TBC1D2: variants seen among roughly 807,000 people sequenced by gnomAD.
The protein encoded by TBC1D2 is TBC1 domain family member 2, also known as TBC1 domain family member 2A.
Under a neutral mutation model 91.1 loss-of-function variants are expected in TBC1D2, and 58 were observed. The observed-to-expected ratio is 0.64, with a 90% CI of 0.52 to 0.79. The LOEUF is 0.79. TBC1D2 is among the 30% of genes least tolerant of loss of function. TBC1D2 has a pLI of 0.00. For synonymous variants in TBC1D2, 482 were observed against 511.5 expected, an observed-to-expected ratio of 0.94 and a Z score of 0.78; for missense variants, 1,080 against 1,208.3, an observed-to-expected ratio of 0.89 and a Z score of 1.57.
chr9:98,248,217 C>T (rs960911376), intron 2 of TBC1D2, among the ~76,000 whole-genome samples: 1 of 152,226 alleles, frequency 6.6e-6, no homozygotes, highest in Non-Finnish European at 1.5e-5. Flanking sequence ...GAGGGGCTGC[C>T]CATGAAGGCA....
rs115736722 is a variant in TBC1D2 at position 98,255,395 on chromosome 9, A to G, written c.147T>C (p.Cys49=). ...RSLEAVPKKL[C]GYLSKFGGKG... ...TGCCGCCGAACTTACTTAAATACCC[A>G]CAGAGTTTCTTGGGGACCGCCTCCA... The change falls in exon 1 of 13, where the codon TGT becomes TGC. Residue 49 remains cysteine, a synonymous_variant. Transcript: ENST00000465784. 2,462 of 1,613,984 alleles carry G rather than the reference A, an allele frequency of 1.5e-3. 36 individuals are homozygous for G. In the African/African-American group the frequency reaches 0.029, roughly 19 times the overall value.
intron 5 of TBC1D2, among the ~76,000 whole-genome samples, chr9:98,222,988 C>T (rs1829136066): frequency 6.6e-6 from 1 of 152,224 alleles, no homozygotes; most frequent in Non-Finnish European, 1.5e-5. Flanking sequence ...CAACCTTTAC[C>T]AAGCACCACT....
chr9:98,233,285 A>G, intron 4 of TBC1D2, 131 bp downstream of exon 4: 3 of 1,265,148 alleles, frequency 2.4e-6, no homozygotes, highest in Non-Finnish European at 3.2e-6. Flanking sequence ...ATGGTGTTTC[A>G]GTAAGTAGCC....
At chr9:98,242,918 A>G (rs1233852023) in intron 3 of TBC1D2, among the ~76,000 whole-genome samples, 2 of 141,970 alleles carry the variant, frequency 1.4e-5, no homozygotes, top group Non-Finnish European at 3.0e-5. Flanking sequence ...GCTTGGGATT[A>G]CAGGCACATG....
At chr9:98,232,928 C>G (rs1478730583) in intron 4 of TBC1D2, among the ~76,000 whole-genome samples, 2 of 152,232 alleles carry the variant, frequency 1.3e-5, no homozygotes, top group Non-Finnish European at 2.9e-5. Flanking sequence ...AGTGGTTCTC[C>G]TGCCTCAGCC....
At position 98,221,157 on chromosome 9, in the gene TBC1D2, C is replaced by G. The variant is rs952370393; in HGVS notation, c.1050G>C (p.Leu350=). Residue 350 remains leucine (L), a synonymous_variant, in exon 6 of 13, where the codon CTG becomes CTC. Coordinates refer to ENST00000465784, the MANE Select transcript of TBC1D2 (RefSeq NM_001267571.2). ...QQEKRASSAY[L]AAAEDKDRLE... ...GCCGGTCCTTGTCCTCAGCCGCCGCCAGGTATGCGCTGGACGCCCGCTTCT... is the reference window on the plus strand; with the variant it reads ...GCCGGTCCTTGTCCTCAGCCGCCGCGAGGTATGCGCTGGACGCCCGCTTCT... 1 of 1,573,142 alleles carries G rather than the reference C, an allele frequency of 6.4e-7. No homozygotes were observed. The highest frequency in any genetic ancestry group is 1.9e-5 in the Admixed American group (1 of 53,482).
intron 8 of TBC1D2, among the ~76,000 whole-genome samples, chr9:98,210,299 T>C (rs569208510): frequency 1.3e-5 from 2 of 152,316 alleles, no homozygotes; most frequent in African/African-American, 2.4e-5. Flanking sequence ...TAACTGCCCA[T>C]GTCCACTGTG....
rs192667653 is a variant in TBC1D2 at position 98,219,583 on chromosome 9, C to T, written c.1374+1250G>A. 5.3e-5 allele frequency among the ~76,000 whole-genome samples: 8 copies of T among 152,330 alleles called. No homozygotes were observed. In the East Asian group the frequency reaches 1.5e-3, roughly 29 times the overall value. On this transcript the variant is annotated intron_variant, in intron 6 of 12. Coordinates refer to ENST00000465784, the MANE Select transcript of TBC1D2 (RefSeq NM_001267571.2). ...GTGATTTAGCCTACTACGCACCCAG[C>T]TAGATGGTGTAGCCTATTGCTCCGA...
chr9:98,220,905 G>C lies in TBC1D2; in HGVS notation c.1302C>G (p.Asp434Glu), dbSNP rs745488286. ...KVTQDFTHPP[D>E]QSPLRPDAAN... ...CAGCGTCGGGGCGCAAAGGAGACTG[G>C]TCAGGGGGGTGCGTGAAGTCCTGGG... The change falls in exon 6 of 13, where the codon GAC becomes GAG. Residue 434 changes from aspartate to glutamate, a missense_variant. Coordinates refer to ENST00000465784, the MANE Select transcript of TBC1D2 (RefSeq NM_001267571.2). 6.2e-7 allele frequency: 1 copy of C among 1,614,070 alleles called. No individual in the cohort carries two copies. The highest frequency in any genetic ancestry group is 8.5e-7 in the Non-Finnish European group (1 of 1,180,036).
chr9:98,232,340 C>CTGTTTTTTTTTT lies in TBC1D2; in HGVS notation c.781+1064_781+1075dup, dbSNP rs796660449. On this transcript the variant is annotated intron_variant, in intron 4 of 12. Transcript: ENST00000465784. ...TTTTTCTTTTCTTCTTTCTCTTTTT[C>CTGTTTTTTTTTT]TGTTTTTTTTTTTGACAGTGTCTCA... Among the ~76,000 whole-genome samples the CTGTTTTTTTTTT allele has an allele frequency of 1.3e-3, 66 of 52,050 alleles. 2 individuals carry two copies. Among genetic ancestry groups the CTGTTTTTTTTTT allele is most frequent in the South Asian group, 1.6e-3 (4 of 2,460 alleles). The allele number at this position is 52,050 out of a possible 152,430, so 34.1% of individuals were successfully genotyped here.
In TBC1D2 at chr9:98,199,518, C is replaced by T; in HGVS notation, c.2650G>A (p.Val884Ile). Reference sequence around the variant, plus strand: ...TCAGCCTCCAGCCGCTCCCGGTGGACCATGCGCAGCTGCCGCAGCTGTTTC... The same window carrying T: ...TCAGCCTCCAGCCGCTCCCGGTGGATCATGCGCAGCTGCCGCAGCTGTTTC... ...RMKQLRQLRMVHRERLEAELR... is the reference protein window; with the variant it reads ...RMKQLRQLRMIHRERLEAELR... The change falls in exon 13 of 13, where the codon GTC (valine) becomes ATC (isoleucine). Residue 884 changes from valine to isoleucine, a missense_variant. Physicochemically the swap from Val to Ile is conservative, Grantham distance 29. Coordinates refer to ENST00000465784, the MANE Select transcript of TBC1D2 (RefSeq NM_001267571.2). 3.7e-6 allele frequency: 6 copies of T among 1,614,198 alleles called. No individual in the cohort carries two copies. Among genetic ancestry groups the T allele is most frequent in the Non-Finnish European group, 5.1e-6 (6 of 1,180,052 alleles).
intron 9 of TBC1D2, among the ~76,000 whole-genome samples, chr9:98,208,041 A>C (rs1296057880): frequency 2.0e-5 from 3 of 152,202 alleles, no homozygotes; most frequent in African/African-American, 7.2e-5. Flanking sequence ...TTCCTGATCC[A>C]GAGAGTCCTG....
intron 4 of TBC1D2, among the ~76,000 whole-genome samples, chr9:98,232,470 C>A (rs545051372): frequency 1.6e-4 from 25 of 151,794 alleles, no homozygotes; most frequent in Admixed American, 2.6e-4. Flanking sequence ...CAGGCTTGCA[C>A]CATGATCAGC....
intron 2 of TBC1D2, among the ~76,000 whole-genome samples, chr9:98,251,156 G>A (rs148133418): frequency 0.017 from 2,618 of 152,118 alleles, 69 homozygotes; most frequent in African/African-American, 0.06. Context: ...GTGGTGGCAC[G>A]TGCCTGTAAT....
intron 7 of TBC1D2, 42 bp from the exon 8 acceptor site, chr9:98,210,885 T>C (rs776200671): frequency 2.0e-6 from 3 of 1,492,030 alleles, no homozygotes; most frequent in Non-Finnish European, 1.8e-6. Context: ...GGGTGGGAGC[T>C]GGGCCGCCCC....
In TBC1D2 at chr9:98,233,775, A is replaced by G. The variant is rs192834178; in HGVS notation, c.648-226T>C. Among the ~76,000 whole-genome samples, 230 of 152,320 alleles carry G rather than the reference A, an allele frequency of 1.5e-3. 3 individuals carry two copies. The highest frequency in any genetic ancestry group is 5.3e-3 in the African/African-American group (219 of 41,564). On this transcript the variant is annotated intron_variant, in intron 3 of 12. Coordinates refer to ENST00000465784, the MANE Select transcript of TBC1D2 (RefSeq NM_001267571.2). Reference sequence around the variant, plus strand: ...TCATCTTCCACACACTATGTGGCTTATAAGTAATACAAGCTTGACTTCCTT... The same window carrying G: ...TCATCTTCCACACACTATGTGGCTTGTAAGTAATACAAGCTTGACTTCCTT...
chr9:98,200,369 C>T lies in TBC1D2; in HGVS notation c.2463G>A (p.Val821=), dbSNP rs377169153. Reference sequence around the variant, plus strand: ...TGAAAATGGCCAAGGCATAGCGAAACACCACCTGGGGGTAGAGTGGGGGCT... The same window carrying T: ...TGAAAATGGCCAAGGCATAGCGAAATACCACCTGGGGGTAGAGTGGGGGCT... ...DAFLYEGTKV[V]FRYALAIFKY... The change falls in exon 12 of 13, where the codon GTG becomes GTA. Residue 821 remains valine (V), a synonymous_variant. Transcript: ENST00000465784. 2.5e-6 allele frequency: 4 copies of T among 1,604,754 alleles called. No homozygotes were observed. The African/African-American group carries it at 4.0e-5, about 16-fold the overall frequency.
intron 2 of TBC1D2, among the ~76,000 whole-genome samples, chr9:98,247,329 CA>C (rs34334323): frequency 0.47 from 50,996 of 108,968 alleles, 8,336 homozygotes; most frequent in Admixed American, 0.51. Flanking sequence ...GACTCCGTCT[CA>C]AAAAAAAAAA....
rs770593924 is a variant in TBC1D2, at chr9:98,221,212, A to G, written c.995T>C (p.Leu332Pro). Residue 332 changes from leucine to proline, a missense_variant, in exon 6 of 13, where the codon CTG (leucine) becomes CCG (proline). Transcript: ENST00000465784. ...CTGGGCGGCCTCCAGTGCCTTGTGC[A>G]GGATCTTCACTAGCTCCTGGGCAGG... ...LKSQKELVKI[L>P]HKALEAAQQE... is the part of the protein sequence containing the mutation. The G allele has an allele frequency of 1.4e-5, 22 of 1,547,682 alleles. 1 individual carries two copies. The South Asian group carries it at 2.4e-4, about 17-fold the overall frequency.
Sources: allele counts gnomAD v4.1 joint callset (sites outside exome capture counted in the v4.1 genomes callset), GRCh38; gene constraint gnomAD v4.1.1; transcripts MANE v1.5; gene names NCBI Gene and HGNC (gene_info 2026-07-23, HGNC 2026-07-21).